Variants in XKR4 observed in about 807,000 individuals in gnomAD.
XKR4 encodes XK related 4.
A neutral mutation model predicts 53.9 loss-of-function variants in XKR4; 12 were observed. That is an observed-to-expected ratio of 0.22 (90% CI 0.14 to 0.36). The LOEUF is 0.36. Among genes scored for constraint, XKR4 ranks in the 10% least tolerant of loss-of-function variants. The pLI is 1.00. For synonymous variants in XKR4, 354 were observed against 362.4 expected, an observed-to-expected ratio of 0.98 and a Z score of 0.26; for missense variants, 799 against 859.5, an observed-to-expected ratio of 0.93 and a Z score of 0.88.
Position 55,515,730 on chromosome 8 carries a change from T to C in XKR4, c.1007-7551T>C, listed in dbSNP as rs183066203. 1.6e-4 allele frequency among the ~76,000 whole-genome samples: 25 copies of C among 152,310 alleles called. No individual in the cohort carries two copies. The East Asian group carries it at 1.7e-3, about 11-fold the overall frequency. Reference sequence around the variant, plus strand: ...TCCATTTTGTGAAAAGAATCCAAAATTGATCCTTTGGCCTTGGCACCAATA... The same window carrying C: ...TCCATTTTGTGAAAAGAATCCAAAACTGATCCTTTGGCCTTGGCACCAATA... On this transcript the variant is annotated intron_variant, in intron 2 of 2. Transcript: ENST00000327381.
chr8:55,439,359 T>TCTAAACAGGGAATTCA (rs1314746718), intron 2 of XKR4, among the ~76,000 whole-genome samples: 2 of 152,166 alleles, frequency 1.3e-5, no homozygotes, highest in African/African-American at 4.8e-5. Flanking sequence ...CAGGGAATTC[T>TCTAAACAGGGAATTCA]CTAAAGAGAC....
intron 2 of XKR4, among the ~76,000 whole-genome samples, chr8:55,365,056 A>G (rs1371369952): frequency 1.3e-5 from 2 of 152,258 alleles, no homozygotes; most frequent in African/African-American, 4.8e-5. Context: ...AGTTGTTTCT[A>G]TGAAATTTAT....
intron 1 of XKR4, among the ~76,000 whole-genome samples, chr8:55,250,536 T>C (rs749040409): frequency 1.3e-5 from 2 of 152,202 alleles, no homozygotes; most frequent in African/African-American, 2.4e-5. Context: ...ACAAGGACAT[T>C]TGGAATCACC....
intron 2 of XKR4, among the ~76,000 whole-genome samples, chr8:55,446,554 G>A (rs1425233493): frequency 6.6e-6 from 1 of 152,034 alleles, no homozygotes; most frequent in African/African-American, 2.4e-5. Context: ...TCACCATGTT[G>A]CCCAGGCTGG....
rs903545044 is a variant in XKR4, at chr8:55,524,325, G to A, written c.*98G>A. ...TCATCCTAGAGCAGGGCAGTGAGCC[G>A]TGAAGTTCCTAGTGGGACCGTCATC... On this transcript the variant is annotated 3_prime_UTR_variant, in exon 3 of 3. Coordinates refer to ENST00000327381, the MANE Select transcript of XKR4 (RefSeq NM_052898.2). The A allele has an allele frequency of 7.4e-6, 9 of 1,224,396 alleles. No individual in the cohort carries two copies. The highest frequency in any genetic ancestry group is 2.0e-4 in the Middle Eastern group (1 of 4,950). The allele number at this position is 1,224,396 out of a possible 1,614,324, so 75.8% of individuals were successfully genotyped here. A position where few individuals can be genotyped will look rare whatever the true frequency, so the allele number is the denominator to read the frequency against.
intron 1 of XKR4, among the ~76,000 whole-genome samples, chr8:55,240,289 A>T (rs1427901791): frequency 6.6e-6 from 1 of 152,252 alleles, no homozygotes; most frequent in African/African-American, 2.4e-5. Flanking sequence ...CAAATACATA[A>T]GAAGCTAAAT....
chr8:55,317,460 C>A (rs1009979650), intron 1 of XKR4, among the ~76,000 whole-genome samples: 3 of 152,178 alleles, frequency 2.0e-5, no homozygotes, highest in African/African-American at 7.2e-5. Context: ...TACCTCCTCA[C>A]ATTTCATTTT....
intron 2 of XKR4, chr8:55,454,079 T>C (rs1354600309): frequency 1.2e-6 from 1 of 824,590 alleles, no homozygotes; most frequent in East Asian, 2.6e-5. Context: ...CTCTTTGTCC[T>C]GCATATTCAA....
chr8:55,450,382 T>A (rs1213290769), intron 2 of XKR4: 1 of 621,892 alleles, frequency 1.6e-6, no homozygotes, highest in Non-Finnish European at 2.8e-6. Flanking sequence ...CTCTGTGTCC[T>A]CGGGTGCATT....
At chr8:55,196,071 G>GC (rs1455347420) in intron 1 of XKR4, among the ~76,000 whole-genome samples, 9 of 152,112 alleles carry the variant, frequency 5.9e-5, no homozygotes, top group African/African-American at 2.2e-4. Flanking sequence ...TCCTCATGCT[G>GC]CAGGTCAGGC....
At chr8:55,513,538 T>C (rs1806662184) in intron 2 of XKR4, among the ~76,000 whole-genome samples, 1 of 152,196 alleles carries the variant, frequency 6.6e-6, no homozygotes, top group African/African-American at 2.4e-5. Context: ...CCTGCTGTCC[T>C]GGAAATAATC....
chr8:55,102,736 T>C lies in XKR4; in HGVS notation c.248T>C (p.Val83Ala). The C allele has an allele frequency of 8.4e-7, 1 of 1,188,206 alleles. No individual in the cohort carries two copies. The highest frequency in any genetic ancestry group is 4.2e-5 in the South Asian group (1 of 23,924). 73.6% of individuals were successfully genotyped at this position (1,188,206 alleles called of 1,614,324 possible). A position where few individuals can be genotyped will look rare whatever the true frequency, so the allele number is the denominator to read the frequency against. ...GSAGSGGSGG[V>A]AGPGGGGAGS... The stretch of plus-strand genomic sequence containing the variant: ...GCGGGCTCGGGCGGCTCCGGCGGCG[T>C]CGCCGGCCCGGGCGGCGGCGGGGCG... Residue 83 changes from valine to alanine, a missense_variant, in exon 1 of 3, where the codon GTC (valine) becomes GCC (alanine). Around this residue, in one of 3 missense-constraint regions of XKR4, gnomAD observed 476 missense variants for 505.4 expected, o/e 0.94. Transcript: ENST00000327381. The surrounding 1 kb of genome is among the most constrained non-coding windows in gnomAD (Gnocchi z 5.1).
intron 2 of XKR4, among the ~76,000 whole-genome samples, chr8:55,442,631 T>C (rs1159396034): frequency 6.6e-6 from 1 of 152,182 alleles, no homozygotes; most frequent in Non-Finnish European, 1.5e-5. Flanking sequence ...TGCAACAAAA[T>C]ATTACTTAGC....
At chr8:55,473,064 C>A (rs1040806227) in intron 2 of XKR4, among the ~76,000 whole-genome samples, 11 of 152,198 alleles carry the variant, frequency 7.2e-5, no homozygotes, top group Admixed American at 5.2e-4. Context: ...TCCATTCACC[C>A]AATTGGATTG....
rs116812060 is a variant in XKR4, at chr8:55,249,523, G to A, written c.807-108155G>A. Among the ~76,000 whole-genome samples, 590 of 152,308 alleles carry A rather than the reference G, an allele frequency of 3.9e-3. 2 individuals are homozygous for A. The highest frequency in any genetic ancestry group is 0.013 in the African/African-American group (529 of 41,554). On this transcript the variant is annotated intron_variant, in intron 1 of 2. Transcript: ENST00000327381. ...CATCAGGAGTTCATCCCTGGGCCAA[G>A]TGCATGGTGCTGCTTACATGCTTTA... is the stretch of plus-strand genomic sequence containing the variant.
chr8:55,447,052 T>TG lies in XKR4; in HGVS notation c.1007-76226dup, dbSNP rs200398290. On this transcript the variant is annotated intron_variant, in intron 2 of 2. Coordinates refer to ENST00000327381, the MANE Select transcript of XKR4 (RefSeq NM_052898.2). ...GAAATGATGGTATAGCCTACCTGAT[T>TG]GGGAAAAAAAAAAAAAAAAGCAGAG... is the stretch of plus-strand genomic sequence containing the variant. 1.0e-3 allele frequency among the ~76,000 whole-genome samples: 146 copies of TG among 141,964 alleles called. 2 individuals are homozygous for TG. In the South Asian group the frequency reaches 0.012, roughly 11 times the overall value. The allele number at this position is 141,964 out of a possible 152,430, so 93.1% of individuals were successfully genotyped here. A position where few individuals can be genotyped will look rare whatever the true frequency, so the allele number is the denominator to read the frequency against.
intron 1 of XKR4, among the ~76,000 whole-genome samples, chr8:55,276,602 T>C (rs533829103): frequency 1.3e-5 from 2 of 152,230 alleles, no homozygotes; most frequent in Non-Finnish European, 2.9e-5. Context: ...TTCTGTTTCC[T>C]ATCATTCCTT....
At chr8:55,286,244 C>CTGA (rs1818905747) in intron 1 of XKR4, among the ~76,000 whole-genome samples, 2 of 152,112 alleles carry the variant, frequency 1.3e-5, no homozygotes, top group African/African-American at 4.8e-5. Context: ...ATGAGATCAT[C>CTGA]TGAGAAGGTC....
chr8:55,502,065 G>T (rs1285414797), intron 2 of XKR4, among the ~76,000 whole-genome samples: 1 of 152,132 alleles, frequency 6.6e-6, no homozygotes, highest in Non-Finnish European at 1.5e-5. Flanking sequence ...ATAATGACAA[G>T]AAAATAAAAG....
Sources: gnomAD v4.1 joint callset for allele counts (sites outside exome capture counted in the v4.1 genomes callset) on GRCh38, gnomAD v4.1.1 for gene constraint, gnomAD v4.1.1 regional missense constraint, Gnocchi (gnomAD v3.1) non-coding constraint, MANE v1.5 for transcripts, NCBI Gene and HGNC (gene_info 2026-07-23, HGNC 2026-07-21) for gene names.